Variants in RFX4 observed in about 807,000 individuals in gnomAD.
RFX4 encodes the protein regulatory factor X4, also known as transcription factor RFX4.
Under a neutral mutation model 95.0 loss-of-function variants are expected in RFX4, and 10 were observed. The observed-to-expected ratio is 0.11, with a 90% confidence interval of 0.06 to 0.18. RFX4 has a LOEUF of 0.18. RFX4 is among the 10% of genes least tolerant of loss of function. The pLI is 1.00. For missense variants in RFX4, 640 were observed against 922.0 expected (o/e 0.69, Z 3.96); for synonymous variants, 321 against 340.7 (o/e 0.94, Z 0.64).
At chr12:106,650,652 G>A (rs1037265315) in intron 3 of RFX4, among the ~76,000 whole-genome samples, 10 of 152,152 alleles carry the variant, frequency 6.6e-5, no homozygotes, top group Middle Eastern at 6.8e-3. Flanking sequence ...TGCTTGAACC[G>A]GGGAGGCGGA....
chr12:106,678,029 G>T (rs1029022102), intron 4 of RFX4, among the ~76,000 whole-genome samples: 1 of 152,146 alleles, frequency 6.6e-6, no homozygotes, highest in Non-Finnish European at 1.5e-5. Flanking sequence ...TATTCAAAAA[G>T]AATAAGTAAA....
At chr12:106,719,212 T>C (rs1258004265) in intron 11 of RFX4, among the ~76,000 whole-genome samples, 1 of 152,138 alleles carries the variant, frequency 6.6e-6, no homozygotes, top group African/African-American at 2.4e-5. Flanking sequence ...TAGGATTATC[T>C]CTCTAATGAG....
At chr12:106,625,441 C>A (rs1460078863) in intron 2 of RFX4, among the ~76,000 whole-genome samples, 3 of 152,154 alleles carry the variant, frequency 2.0e-5, no homozygotes, top group Non-Finnish European at 4.4e-5. Context: ...TAATTCAGGT[C>A]TCATGAATTC....
intron 5 of RFX4, chr12:106,682,354 T>C (rs943890066): frequency 2.3e-6 from 1 of 434,404 alleles, no homozygotes; most frequent in African/African-American, 2.0e-5. Flanking sequence ...GATTGCCTTG[T>C]GGCCTCTTGG....
In RFX4 at chr12:106,690,372, AG is replaced by A. The variant is rs2041754916; in HGVS notation, c.669+1009del. 3.9e-5 allele frequency among the ~76,000 whole-genome samples: 6 copies of A among 152,302 alleles called. No homozygotes were observed. The South Asian group carries it at 1.2e-3, about 32-fold the overall frequency. Reference sequence around the variant, plus strand: ...TTCAGTGATTTTTTTCTTTTAAGAAAGAAAACTCCCTGCTTTCTTTCGAACT... The same window carrying A: ...TTCAGTGATTTTTTTCTTTTAAGAAAAAAACTCCCTGCTTTCTTTCGAACT... On this transcript the variant is annotated intron_variant, in intron 7 of 17. Transcript: ENST00000392842.
chr12:106,597,718 G>A (rs886908766), intron 1 of RFX4, among the ~76,000 whole-genome samples: 4 of 152,144 alleles, frequency 2.6e-5, no homozygotes, highest in African/African-American at 9.7e-5. Flanking sequence ...AACATGGCCA[G>A]GTGTGGTGGC....
intron 1 of RFX4, among the ~76,000 whole-genome samples, chr12:106,589,497 A>G (rs1218269588): frequency 6.6e-6 from 1 of 152,160 alleles, no homozygotes; most frequent in Non-Finnish European, 1.5e-5. Flanking sequence ...TTTTTCACAC[A>G]TTAGCCATTG....
chr12:106,594,631 G>A (rs566655871), intron 1 of RFX4, among the ~76,000 whole-genome samples: 1 of 152,214 alleles, frequency 6.6e-6, no homozygotes, highest in Admixed American at 6.5e-5. Flanking sequence ...TCCAGAGCTC[G>A]CCCCGCATGT....
At chr12:106,734,361 C>T (rs1490052608) in intron 15 of RFX4, among the ~76,000 whole-genome samples, 2 of 151,960 alleles carry the variant, frequency 1.3e-5, no homozygotes, top group African/African-American at 2.4e-5. Flanking sequence ...TTTGGGAGGC[C>T]GAGGTGGGTG....
intron 3 of RFX4, among the ~76,000 whole-genome samples, chr12:106,640,317 A>G (rs2040595264): frequency 6.6e-6 from 1 of 152,244 alleles, no homozygotes; most frequent in Admixed American, 6.5e-5. Context: ...AAGAAAGGAA[A>G]AGAAACATCA....
intron 1 of RFX4, among the ~76,000 whole-genome samples, chr12:106,589,887 G>A (rs1444159512): frequency 6.6e-6 from 1 of 152,230 alleles, no homozygotes; most frequent in Non-Finnish European, 1.5e-5. Context: ...GTTGAGTAGA[G>A]ATTTGGGGCA....
intron 7 of RFX4, chr12:106,693,070 A>T (rs2041814097): frequency 2.3e-6 from 1 of 427,110 alleles, no homozygotes; most frequent in African/African-American, 2.0e-5. Context: ...CTTCAGATCC[A>T]GTCCACTGGG....
rs1277122190 is a variant in RFX4, at chr12:106,761,505, T to C, written c.*36T>C. On this transcript the variant is annotated 3_prime_UTR_variant, in exon 18 of 18. Transcript: ENST00000392842. ...AGGCATCCATATTTAATATTAATAA[T>C]AATAATTAATAATAATAATAAACCC... 3 of 1,275,474 alleles carry C rather than the reference T, an allele frequency of 2.4e-6. No homozygotes were observed. The highest frequency in any genetic ancestry group is 2.0e-6 in the Non-Finnish European group (2 of 995,276). 79.0% of individuals were successfully genotyped at this position (1,275,474 alleles called of 1,614,324 possible).
At chr12:106,590,740 T>C (rs755684028) in intron 1 of RFX4, among the ~76,000 whole-genome samples, 3 of 151,984 alleles carry the variant, frequency 2.0e-5, no homozygotes, top group Non-Finnish European at 2.9e-5. Context: ...AGGGCAAGAG[T>C]TGGAGACCAG....
chr12:106,631,160 A>T (rs138050142), intron 2 of RFX4, among the ~76,000 whole-genome samples: 1,618 of 152,364 alleles, frequency 0.011, 15 homozygotes, highest in Admixed American at 0.018. Context: ...ACTAAATGCC[A>T]TACCATGAAG....
intron 10 of RFX4, among the ~76,000 whole-genome samples, chr12:106,712,494 G>T (rs2042209815): frequency 6.6e-6 from 1 of 152,110 alleles, no homozygotes; most frequent in South Asian, 2.1e-4. Context: ...AGGTGCTGTT[G>T]GTTCTGGGTG....
chr12:106,751,823 G>C (rs1304840703), intron 17 of RFX4, among the ~76,000 whole-genome samples: 3 of 151,864 alleles, frequency 2.0e-5, no homozygotes, highest in African/African-American at 7.3e-5. Flanking sequence ...GTTCATTGTA[G>C]ATTCTGGATA....
chr12:106,675,544 C>A (rs905333331), intron 4 of RFX4, among the ~76,000 whole-genome samples: 4 of 152,100 alleles, frequency 2.6e-5, no homozygotes, highest in Non-Finnish European at 5.9e-5. Flanking sequence ...TTAATTAACT[C>A]AATTTAGCCA....
intron 3 of RFX4, among the ~76,000 whole-genome samples, chr12:106,653,208 C>T (rs767459850): frequency 6.6e-6 from 1 of 152,142 alleles, no homozygotes; most frequent in Admixed American, 6.5e-5. Context: ...TGGATGCCTA[C>T]ATTCTGGTGT....
Sources: gnomAD v4.1 joint callset for allele counts (sites outside exome capture counted in the v4.1 genomes callset) on GRCh38, gnomAD v4.1.1 for gene constraint, MANE v1.5 for transcripts, NCBI Gene and HGNC (gene_info 2026-07-23, HGNC 2026-07-21) for gene names.